The following ANO1 variants were observed in gnomAD, a reference collection of about 807,000 sequenced individuals.
ANO1 encodes the protein anoctamin-1.
ANO1 carries 59 observed loss-of-function variants against 124.0 expected under a neutral mutation model. The observed-to-expected ratio is 0.48, with a 90% CI of 0.39 to 0.59. The LOEUF (loss-of-function observed/expected upper bound fraction) is 0.59, where lower values mean the gene tolerates loss of function less well. Among genes scored for constraint, ANO1 ranks in the 20% least tolerant of loss-of-function variants. The probability of loss-of-function intolerance (pLI) is 0.00; values close to 1 mark genes in which losing one functional copy is unlikely to be tolerated. For synonymous variants in ANO1, 529 were observed against 532.0 expected (o/e 0.99, Z 0.08); for missense variants, 1,059 against 1,328.0 (o/e 0.80, Z 3.15).
chr11:70,078,923 C>T (rs908148103), intron 1 of ANO1, among the ~76,000 whole-genome samples: 22 of 151,824 alleles, frequency 1.4e-4, no homozygotes, highest in African/African-American at 4.8e-4. Flanking sequence ...GCGCTCTGAG[C>T]GTTCCGAGCG....
At chr11:69,975,147 G>T in the ANO1 span, among the ~76,000 whole-genome samples, 1 of 152,168 alleles carries the variant, frequency 6.6e-6, no homozygotes, top group Admixed American at 6.5e-5. Context: ...CCGGGTCAGA[G>T]GCTGAGCCTC....
At chr11:70,132,685 C>T (rs1448919020) in intron 11 of ANO1, among the ~76,000 whole-genome samples, 1 of 152,232 alleles carries the variant, frequency 6.6e-6, no homozygotes, top group African/African-American at 2.4e-5. Context: ...ACTCCCAACT[C>T]CAGCTTTCGG....
intron 1 of ANO1, among the ~76,000 whole-genome samples, chr11:69,991,623 T>G (rs1366245667): frequency 6.6e-6 from 1 of 152,246 alleles, no homozygotes; most frequent in Non-Finnish European, 1.5e-5. Flanking sequence ...TGTAAATAAC[T>G]GAGGAAACTT....
At chr11:70,077,908 G>C (rs1003663822), upstream of ANO1, among the ~76,000 whole-genome samples, 1 of 152,120 alleles carries the variant, frequency 6.6e-6, no homozygotes, top group Admixed American at 6.5e-5. Flanking sequence ...GCAGCTGGAG[G>C]GGGCGGGTCG....
intron 1 of ANO1, among the ~76,000 whole-genome samples, chr11:70,062,762 C>T (rs921974038): frequency 2.6e-5 from 4 of 152,156 alleles, no homozygotes; most frequent in Non-Finnish European, 5.9e-5. Flanking sequence ...AATCTCTGAG[C>T]GGGAAGTACT....
At position 70,108,424 on chromosome 11, in the gene ANO1, T is replaced by C. The variant is rs755810028; in HGVS notation, c.799+20T>C. On this transcript the variant is annotated intron_variant, in intron 6 of 25. Transcript: ENST00000355303. ...GCATGGGTAAGCACGTTTTTGGGGC[T>C]TGAGATCAGCATTGGTTTCCAAGTC... 21 of 1,609,906 alleles carry C rather than the reference T, an allele frequency of 1.3e-5. No individual in the cohort carries two copies. Among genetic ancestry groups the C allele is most frequent in the Non-Finnish European group, 1.7e-5 (20 of 1,176,816 alleles).
upstream of ANO1, among the ~76,000 whole-genome samples, chr11:69,980,911 G>A (rs1400988906): frequency 3.3e-5 from 5 of 152,076 alleles, no homozygotes; most frequent in African/African-American, 1.2e-4. Flanking sequence ...AATTAGCTGG[G>A]TGTGGTGGCA....
chr11:70,014,513 C>T (rs782628904), intron 1 of ANO1, among the ~76,000 whole-genome samples: 1 of 152,178 alleles, frequency 6.6e-6, no homozygotes, highest in Non-Finnish European at 1.5e-5. Context: ...AGTCCTCTTG[C>T]ACTTGGGAGT....
intron 1 of ANO1, among the ~76,000 whole-genome samples, chr11:70,043,050 C>G (rs931025776): frequency 6.6e-6 from 1 of 151,902 alleles, no homozygotes; most frequent in Non-Finnish European, 1.5e-5. Context: ...AGAAATGAGA[C>G]AAATGATAAC....
intron 11 of ANO1, among the ~76,000 whole-genome samples, chr11:70,139,512 C>T (rs7935366): frequency 0.27 from 40,862 of 151,876 alleles, 5,911 homozygotes; most frequent in East Asian, 0.43. Flanking sequence ...TCAGGAGAGA[C>T]GGAGTTTCAC....
At chr11:70,012,868 A>G (rs1393534351) in intron 1 of ANO1, among the ~76,000 whole-genome samples, 1 of 152,192 alleles carries the variant, frequency 6.6e-6, no homozygotes, top group Non-Finnish European at 1.5e-5. Context: ...TCATCCATCC[A>G]TCCTTTCATT....
At chr11:70,042,985 A>T (rs1857206310) in intron 1 of ANO1, among the ~76,000 whole-genome samples, 1 of 152,266 alleles carries the variant, frequency 6.6e-6, no homozygotes, top group Non-Finnish European at 1.5e-5. Context: ...CAAGCAAAGA[A>T]GTGAGAGAAT....
intron 16 of ANO1, 114 bp from the exon 17 acceptor site, chr11:70,161,047 T>C: frequency 2.0e-6 from 2 of 1,013,602 alleles, no homozygotes; most frequent in East Asian, 5.2e-5. Context: ...GTGCTTGTTT[T>C]GAAGCAGAAG....
intron 5 of ANO1, 28 bp from the exon 6 acceptor site, chr11:70,108,325 C>T (rs1165099488): frequency 1.9e-6 from 3 of 1,601,608 alleles, no homozygotes; most frequent in Non-Finnish European, 2.6e-6. Flanking sequence ...TAAGTAACTG[C>T]TCACCCCCCT....
In ANO1 at chr11:70,155,918, G is replaced by A. The variant is rs765340126; in HGVS notation, c.1433G>A (p.Arg478Gln). The change falls in exon 15 of 26, where the codon CGG becomes CAG. Residue 478 changes from arginine (R) to glutamine (Q), a missense_variant. By Grantham distance (43) the Arg-to-Gln change is conservative. Around this residue, in one of 2 missense-constraint regions of ANO1, gnomAD observed 809 missense variants for 1,094.9 expected, o/e 0.74. Transcript: ENST00000355303. ...KKESRNKEKR[R>Q]HIPEESTNKW... The stretch of plus-strand genomic sequence containing the variant: ...TCCCCCACCCCCCCTCAGAAGCGCC[G>A]GCATATTCCAGAGGAGTCAACAAAC... 1.2e-5 allele frequency: 18 copies of A among 1,539,504 alleles called. No individual in the cohort carries two copies. Among genetic ancestry groups the A allele is most frequent in the South Asian group, 6.1e-5 (5 of 82,156 alleles).
rs1172492820 is a variant in ANO1, at chr11:70,138,347, GAA to G, written c.1258+6286_1258+6287del. Among the ~76,000 whole-genome samples the G allele has an allele frequency of 2.1e-4, 9 of 43,170 alleles. No individual in the cohort carries two copies. In the East Asian group the frequency reaches 3.0e-3, roughly 14 times the overall value. The allele number at this position is 43,170 out of a possible 152,430, so 28.3% of individuals were successfully genotyped here. ...GCAAAAAGAGTGAAATTCCATCTCAGAAAAAAAAAAAAAAAAAAAGGCTGGGC... is the reference window on the plus strand; with the variant it reads ...GCAAAAAGAGTGAAATTCCATCTCAGAAAAAAAAAAAAAAAAAGGCTGGGC... On this transcript the variant is annotated intron_variant, in intron 11 of 25. Coordinates refer to ENST00000355303, the MANE Select transcript of ANO1 (RefSeq NM_018043.7).
chr11:70,078,040 G>A (rs2044086141), upstream of ANO1, among the ~76,000 whole-genome samples: 2 of 152,034 alleles, frequency 1.3e-5, no homozygotes, highest in Admixed American at 6.5e-5. Context: ...CCCCCCGGAG[G>A]CGGAGGTGAC....
intron 1 of ANO1, chr11:70,065,158 A>C (rs1857686402): frequency 6.6e-6 from 1 of 152,150 alleles, no homozygotes; most frequent in Non-Finnish European, 1.5e-5. Context: ...TTTCTTATGA[A>C]GGAGCAATCC....
chr11:70,021,387 T>G (rs1856805381), intron 1 of ANO1, among the ~76,000 whole-genome samples: 1 of 152,014 alleles, frequency 6.6e-6, no homozygotes. Context: ...TGACCTATAC[T>G]TTTCACTCCC....
Sources: allele counts gnomAD v4.1 joint callset (sites outside exome capture counted in the v4.1 genomes callset), GRCh38; gene constraint gnomAD v4.1.1; regional missense constraint gnomAD v4.1.1; transcripts MANE v1.5; gene names NCBI Gene and HGNC (gene_info 2026-07-23, HGNC 2026-07-21).